The following PIK3CB variants were observed in gnomAD, a reference collection of about 807,000 sequenced individuals.
PIK3CB encodes phosphatidylinositol 4,5-bisphosphate 3-kinase catalytic subunit beta isoform.
PIK3CB carries 39 observed loss-of-function variants against 136.8 expected under a neutral mutation model. The observed-to-expected ratio is 0.29, with a 90% CI of 0.22 to 0.37. The LOEUF (loss-of-function observed/expected upper bound fraction) is 0.37. Ranked by LOEUF, PIK3CB falls within the 10% of genes least tolerant of loss-of-function variation. The probability of loss-of-function intolerance (pLI) is 1.00; values close to 1 mark genes in which losing one functional copy is unlikely to be tolerated. For synonymous variants in PIK3CB, 428 were observed against 436.6 expected, an observed-to-expected ratio of 0.98 and a Z score of 0.25; for missense variants, 868 against 1,275.4, an observed-to-expected ratio of 0.68 and a Z score of 4.87.
In PIK3CB at chr3:138,657,691, G is replaced by T. The variant is rs966729151; in HGVS notation, c.2941C>A (p.Arg981=). ...CCTTGGCACAAGGGCAGTACTCACC[G>T]GCCAAACTTTTCTGTATTTCCTGTT... ...GKTGNTEKFG[R]FRQCCEDAYL... Residue 981 remains arginine (R), a splice_region_variant and synonymous_variant, in exon 22 of 24, where the codon CGG becomes AGG. Transcript: ENST00000674063. The T allele has an allele frequency of 6.2e-7, 1 of 1,613,412 alleles. No individual in the cohort carries two copies. The highest frequency in any genetic ancestry group is 1.3e-5 in the African/African-American group (1 of 74,872).
intron 1 of PIK3CB, among the ~76,000 whole-genome samples, chr3:138,807,051 T>C (rs2046242161): frequency 1.3e-5 from 2 of 152,332 alleles, no homozygotes; most frequent in South Asian, 2.1e-4. Context: ...ACAGAAAATA[T>C]GTCAATTTGC....
intron 20 of PIK3CB, 72 bp downstream of exon 20, chr3:138,664,964 T>G: frequency 2.0e-6 from 2 of 1,011,770 alleles, no homozygotes; most frequent in Non-Finnish European, 2.9e-6. Context: ...CACTGCTGAC[T>G]TCTATTGGGA....
At chr3:138,802,394 G>A (rs1183605138) in intron 1 of PIK3CB, among the ~76,000 whole-genome samples, 1 of 150,600 alleles carries the variant, frequency 6.6e-6, no homozygotes, top group Non-Finnish European at 1.5e-5. Flanking sequence ...AAGAAAGAAA[G>A]AAAGAAAGAA....
chr3:138,782,391 T>C (rs1365963359), intron 2 of PIK3CB, among the ~76,000 whole-genome samples: 1 of 152,248 alleles, frequency 6.6e-6, no homozygotes. Context: ...ACTTTGCTTG[T>C]GCCTTTTAAA....
chr3:138,826,499 G>GTTTTTTTTT (rs34843148), intron 1 of PIK3CB, among the ~76,000 whole-genome samples: 1 of 95,934 alleles, frequency 1.0e-5, no homozygotes, highest in Non-Finnish European at 2.0e-5. Context: ...GACCATTTGG[G>GTTTTTTTTT]TTTTTTTTTT....
At chr3:138,753,906 C>T (rs1020519035) in intron 4 of PIK3CB, among the ~76,000 whole-genome samples, 3 of 152,138 alleles carry the variant, frequency 2.0e-5, no homozygotes, top group African/African-American at 7.2e-5. Context: ...TTCTGGTTTG[C>T]TTTCTTACAT....
intron 1 of PIK3CB, among the ~76,000 whole-genome samples, chr3:138,822,999 C>T (rs538821351): frequency 6.7e-6 from 1 of 148,992 alleles, no homozygotes; most frequent in African/African-American, 2.5e-5. Context: ...CGGCTCACTG[C>T]AGCCTCCGCC....
At chr3:138,788,183 A>G (rs912197131) in intron 2 of PIK3CB, among the ~76,000 whole-genome samples, 8 of 151,680 alleles carry the variant, frequency 5.3e-5, no homozygotes, top group African/African-American at 1.7e-4. Context: ...TTGGCCTCCC[A>G]AAGTACTGGG....
chr3:138,662,962 G>A (rs1054122636), intron 21 of PIK3CB, among the ~76,000 whole-genome samples: 2 of 152,158 alleles, frequency 1.3e-5, no homozygotes, highest in Non-Finnish European at 2.9e-5. Flanking sequence ...AACCCTAGAA[G>A]AAAACTTAGG....
intron 2 of PIK3CB, among the ~76,000 whole-genome samples, chr3:138,782,008 AAC>A (rs2045928955): frequency 6.6e-6 from 1 of 152,246 alleles, no homozygotes; most frequent in African/African-American, 2.4e-5. Flanking sequence ...CTAAATTGCT[AAC>A]ACAGACCAAA....
chr3:138,679,584 C>CT (rs950103094), intron 19 of PIK3CB, among the ~76,000 whole-genome samples: 6 of 150,464 alleles, frequency 4.0e-5, no homozygotes, highest in Non-Finnish European at 5.9e-5. Flanking sequence ...GTTAAGAGTT[C>CT]TTTTTTTTTC....
intron 2 of PIK3CB, among the ~76,000 whole-genome samples, chr3:138,786,850 AG>A (rs1249742998): frequency 1.3e-5 from 2 of 152,176 alleles, no homozygotes; most frequent in Non-Finnish European, 2.9e-5. Context: ...GGCAGTCAAA[AG>A]GCTAAGTGAA....
In PIK3CB at chr3:138,704,426, A is replaced by C; in HGVS notation, c.1581+17T>G. 6.4e-7 allele frequency: 1 copy of C among 1,562,572 alleles called. No individual in the cohort carries two copies. Among genetic ancestry groups the C allele is most frequent in the Non-Finnish European group, 8.8e-7 (1 of 1,133,164 alleles). ...CAACTCCATAAGAAAGGGCCATTTA[A>C]AACTCTTGATACTTACTGACACATT... is the stretch of plus-strand genomic sequence containing the variant. On this transcript the variant is annotated intron_variant, in intron 12 of 23. Transcript: ENST00000674063.
At chr3:138,773,366 G>A (rs1157353641) in intron 2 of PIK3CB, among the ~76,000 whole-genome samples, 1 of 151,966 alleles carries the variant, frequency 6.6e-6, no homozygotes, top group Non-Finnish European at 1.5e-5. Context: ...ACTCCAGCCT[G>A]GGCGATAGAG....
chr3:138,774,684 G>A (rs1400913527), intron 2 of PIK3CB, among the ~76,000 whole-genome samples: 3 of 152,188 alleles, frequency 2.0e-5, no homozygotes, highest in African/African-American at 7.2e-5. Context: ...GTGTGGTGGT[G>A]CTGGTGAGTA....
chr3:138,732,530 C>G (rs1429079355), intron 8 of PIK3CB, among the ~76,000 whole-genome samples: 1 of 152,042 alleles, frequency 6.6e-6, no homozygotes, highest in Non-Finnish European at 1.5e-5. Context: ...AATTTCCTAC[C>G]CAGCAAATTA....
chr3:138,714,056 T>C (rs571488108), intron 9 of PIK3CB, among the ~76,000 whole-genome samples: 1 of 152,334 alleles, frequency 6.6e-6, no homozygotes, highest in East Asian at 1.9e-4. Flanking sequence ...GTTGAGTCAG[T>C]TACGACCAAT....
At chr3:138,721,241 CA>C (rs2044720585) in intron 8 of PIK3CB, among the ~76,000 whole-genome samples, 1 of 152,120 alleles carries the variant, frequency 6.6e-6, no homozygotes, top group South Asian at 2.1e-4. Context: ...CGGCTCACTG[CA>C]ACATCCGCCT....
At chr3:138,727,122 T>C (rs1443391581) in intron 8 of PIK3CB, among the ~76,000 whole-genome samples, 1 of 151,990 alleles carries the variant, frequency 6.6e-6, no homozygotes, top group Non-Finnish European at 1.5e-5. Context: ...TGCTACAGAA[T>C]TCCAAGCACT....
Sources: gnomAD v4.1 joint callset for allele counts (sites outside exome capture counted in the v4.1 genomes callset) on GRCh38, gnomAD v4.1.1 for gene constraint, MANE v1.5 for transcripts, NCBI Gene and HGNC (gene_info 2026-07-23, HGNC 2026-07-21) for gene names.